ARHGEF7: variants seen among roughly 807,000 people sequenced by gnomAD.
ARHGEF7 encodes the protein PAK-interacting exchange factor beta.
ARHGEF7 carries 33 observed loss-of-function variants against 109.8 expected under a neutral mutation model. The observed-to-expected ratio is 0.30, with a 90% CI of 0.23 to 0.40. The LOEUF (loss-of-function observed/expected upper bound fraction) is 0.40. Ranked by LOEUF, ARHGEF7 falls within the 10% of genes least tolerant of loss-of-function variation. The pLI, the probability that ARHGEF7 is intolerant of heterozygous loss-of-function variation, is 1.00. For synonymous variants in ARHGEF7, 458 were observed against 424.6 expected (o/e 1.08, Z -0.97); for missense variants, 938 against 1,098.5 (o/e 0.85, Z 2.07).
intron 5 of ARHGEF7, among the ~76,000 whole-genome samples, chr13:111,231,723 C>T (rs759493527): frequency 1.3e-5 from 2 of 152,006 alleles, no homozygotes; most frequent in South Asian, 2.1e-4. Context: ...GGATGGGGGA[C>T]GCATGGGAGG....
At chr13:111,137,362 C>T (rs2075134151) in intron 1 of ARHGEF7, among the ~76,000 whole-genome samples, 2 of 152,258 alleles carry the variant, frequency 1.3e-5, no homozygotes. Context: ...AGCACCATGA[C>T]CTGGACCAGC....
intron 5 of ARHGEF7, among the ~76,000 whole-genome samples, chr13:111,223,913 G>A (rs932044228): frequency 5.3e-5 from 8 of 149,834 alleles, no homozygotes; most frequent in African/African-American, 2.0e-4. Flanking sequence ...CTGGAGTGCA[G>A]TGGCATAATC....
At chr13:111,161,306 C>G (rs763003202) in intron 2 of ARHGEF7, among the ~76,000 whole-genome samples, 1 of 152,126 alleles carries the variant, frequency 6.6e-6, no homozygotes, top group African/African-American at 2.4e-5. Flanking sequence ...ATTGCTCACT[C>G]CTGGTAGCTG....
At chr13:111,287,603 G>A (rs2093076546) in intron 17 of ARHGEF7, among the ~76,000 whole-genome samples, 1 of 152,230 alleles carries the variant, frequency 6.6e-6, no homozygotes, top group African/African-American at 2.4e-5. Context: ...AGGACAGGTG[G>A]GAGATTCGGT....
intron 1 of ARHGEF7, among the ~76,000 whole-genome samples, chr13:111,119,373 A>C (rs1429264257): frequency 6.6e-6 from 1 of 152,198 alleles, no homozygotes. Flanking sequence ...CTACATTTGA[A>C]CCAGATCAGT....
At chr13:111,185,961 CGTGTGTGTGTGTGTGT>C (rs71127998) in intron 2 of ARHGEF7, among the ~76,000 whole-genome samples, 4,845 of 135,864 alleles carry the variant, frequency 0.036, 113 homozygotes, top group Middle Eastern at 0.063. Context: ...TTTGGGAGCT[CGTGTGTGTGTGTGTGT>C]GTGTGTGTGT....
At chr13:111,288,744 A>C (rs1317028736) in intron 18 of ARHGEF7, among the ~76,000 whole-genome samples, 1 of 152,230 alleles carries the variant, frequency 6.6e-6, no homozygotes, top group Admixed American at 6.5e-5. Flanking sequence ...CTAAGAGAAG[A>C]CGTGTTTAGA....
intron 8 of ARHGEF7, among the ~76,000 whole-genome samples, chr13:111,267,125 C>T (rs529714362): frequency 1.3e-5 from 2 of 152,348 alleles, no homozygotes; most frequent in African/African-American, 2.4e-5. Flanking sequence ...GCTTTCTAGT[C>T]TCTAACCTGA....
At chr13:111,294,396 CTTGGATTTTCCTTTAAT>C in intron 19 of ARHGEF7, 1 of 985,454 alleles carries the variant, frequency 1.0e-6, no homozygotes, top group Non-Finnish European at 1.2e-6. Flanking sequence ...AGTTGCTGCA[CTTGGATTTTCCTTTAAT>C]ACCAAGTATC....
intron 1 of ARHGEF7, among the ~76,000 whole-genome samples, chr13:111,127,034 G>A (rs962303708): frequency 6.6e-6 from 1 of 152,194 alleles, no homozygotes; most frequent in African/African-American, 2.4e-5. Flanking sequence ...CCTGTTTGTG[G>A]ACTGATTAGG....
rs2092318579 is a variant in ARHGEF7, at chr13:111,273,716, A to T, written c.1074-98A>T. 6 of 1,518,804 alleles carry T rather than the reference A, an allele frequency of 4.0e-6. No homozygotes were observed. In the South Asian group the frequency reaches 5.9e-5, roughly 15 times the overall value. The allele number at this position is 1,518,804 out of a possible 1,614,324, so 94.1% of individuals were successfully genotyped here. A position where few individuals can be genotyped will look rare whatever the true frequency, so the allele number is the denominator to read the frequency against. On this transcript the variant is annotated intron_variant, in intron 9 of 21. Coordinates refer to ENST00000646102, the MANE Select transcript of ARHGEF7 (RefSeq NM_001354046.2). The surrounding 1 kb of genome is among the most constrained non-coding windows in gnomAD (Gnocchi z 4.5). ...CTTCCAGATGTTAAAAGCAACACTT[A>T]TGTTTCATAAATTCTGGCTGTTGCT...
chr13:111,275,761 C>A, intron 12 of ARHGEF7, 83 bp downstream of exon 12: 1 of 1,545,614 alleles, frequency 6.5e-7, no homozygotes, highest in Non-Finnish European at 8.9e-7. Context: ...GCATCTCAAG[C>A]GATGAAAAAT....
chr13:111,269,860 A>C (rs188330809), intron 9 of ARHGEF7, among the ~76,000 whole-genome samples: 1 of 151,984 alleles, frequency 6.6e-6, no homozygotes, highest in Non-Finnish European at 1.5e-5. Context: ...GCTCCTTCCT[A>C]CCTCCTGCCT....
At chr13:111,160,565 C>T (rs1022551693) in intron 2 of ARHGEF7, among the ~76,000 whole-genome samples, 1 of 151,982 alleles carries the variant, frequency 6.6e-6, no homozygotes, top group Non-Finnish European at 1.5e-5. Flanking sequence ...TAGGGAGAGA[C>T]CCAGGAGATT....
chr13:111,139,771 T>G (rs1049696357), intron 1 of ARHGEF7, among the ~76,000 whole-genome samples: 14 of 152,254 alleles, frequency 9.2e-5, no homozygotes, highest in African/African-American at 3.4e-4. Flanking sequence ...CTGGCTGAAC[T>G]GATGCCCATG....
chr13:111,248,357 G>A (rs2089243377), intron 8 of ARHGEF7, among the ~76,000 whole-genome samples: 2 of 152,014 alleles, frequency 1.3e-5, no homozygotes, highest in Non-Finnish European at 2.9e-5. Flanking sequence ...TTGGCATTTT[G>A]ACGGTGATTA....
intron 16 of ARHGEF7, among the ~76,000 whole-genome samples, chr13:111,285,938 C>T (rs115781446): frequency 0.021 from 3,250 of 152,014 alleles, 119 homozygotes; most frequent in African/African-American, 0.075. Context: ...AAAAAATTAG[C>T]CAATGACTAA....
At chr13:111,302,267 G>A (rs2093586356) in intron 21 of ARHGEF7, among the ~76,000 whole-genome samples, 1 of 152,190 alleles carries the variant, frequency 6.6e-6, no homozygotes, top group Non-Finnish European at 1.5e-5. Flanking sequence ...GGCGAGGGAA[G>A]GTTGGGGTGT....
chr13:111,184,397 G>A (rs1228838199), intron 2 of ARHGEF7, among the ~76,000 whole-genome samples: 1 of 152,172 alleles, frequency 6.6e-6, no homozygotes, highest in Non-Finnish European at 1.5e-5. Context: ...CTGGTCCTTT[G>A]GCTAGAGAGG....
Sources: gnomAD v4.1 joint callset for allele counts (sites outside exome capture counted in the v4.1 genomes callset) on GRCh38, gnomAD v4.1.1 for gene constraint, Gnocchi (gnomAD v3.1) non-coding constraint, MANE v1.5 for transcripts, NCBI Gene and HGNC (gene_info 2026-07-23, HGNC 2026-07-21) for gene names.